The following FARS2 variants were observed in gnomAD, a reference collection of about 807,000 sequenced individuals.
FARS2 encodes phenylalanine--tRNA ligase, mitochondrial.
Under a neutral mutation model 46.4 loss-of-function variants are expected in FARS2, and 40 were observed. The observed-to-expected ratio is 0.86, with a 90% CI of 0.67 to 1.12. The LOEUF (loss-of-function observed/expected upper bound fraction) is 1.12. Among genes scored for constraint, FARS2 ranks in the 50% most tolerant of loss-of-function variants. The pLI, the probability that FARS2 is intolerant of heterozygous loss-of-function variation, is 0.00. For missense variants in FARS2, 513 were observed against 567.9 expected (o/e 0.90, Z 0.98); for synonymous variants, 234 against 214.9 (o/e 1.09, Z -0.78).
chr6:5,541,715 G>A (rs1360517550), intron 4 of FARS2, among the ~76,000 whole-genome samples: 1 of 152,016 alleles, frequency 6.6e-6, no homozygotes, highest in Non-Finnish European at 1.5e-5. Flanking sequence ...AAGAATTCCG[G>A]GCAAGTCCGC....
At chr6:5,276,330 T>C (rs982639143) in intron 1 of FARS2, among the ~76,000 whole-genome samples, 2 of 152,204 alleles carry the variant, frequency 1.3e-5, no homozygotes, top group Non-Finnish European at 2.9e-5. Context: ...AGCTGTATCA[T>C]AGGTTTTTTC....
chr6:5,463,096 C>T (rs1440671171), intron 4 of FARS2, among the ~76,000 whole-genome samples: 4 of 152,188 alleles, frequency 2.6e-5, no homozygotes, highest in Admixed American at 2.6e-4. Flanking sequence ...AAGCTGGAGG[C>T]CGGACCCTGG....
intron 1 of FARS2, among the ~76,000 whole-genome samples, chr6:5,358,863 T>C (rs909389320): frequency 4.6e-5 from 7 of 152,110 alleles, no homozygotes; most frequent in African/African-American, 1.7e-4. Flanking sequence ...AGTTATATTT[T>C]TCTATTTGTT....
intron 2 of FARS2, among the ~76,000 whole-genome samples, chr6:5,391,532 T>C (rs1760515739): frequency 6.6e-6 from 1 of 152,060 alleles, no homozygotes; most frequent in Non-Finnish European, 1.5e-5. Flanking sequence ...CATTAATTTG[T>C]AAGGCAGATT....
chr6:5,255,487 G>T, the FARS2 span, among the ~76,000 whole-genome samples: 1 of 141,242 alleles, frequency 7.1e-6, no homozygotes, highest in Non-Finnish European at 1.5e-5. Flanking sequence ...TTTAAAATAG[G>T]TGTTTTTAAA....
chr6:5,598,770 G>T (rs559868891), intron 5 of FARS2, among the ~76,000 whole-genome samples: 4 of 152,298 alleles, frequency 2.6e-5, no homozygotes, highest in Admixed American at 2.6e-4. Flanking sequence ...GGACATGGGG[G>T]TAGGGGTAGG....
intron 1 of FARS2, among the ~76,000 whole-genome samples, chr6:5,321,568 G>A (rs1019157804): frequency 6.6e-6 from 1 of 151,398 alleles, no homozygotes; most frequent in Non-Finnish European, 1.5e-5. Flanking sequence ...AGAGGTAAGA[G>A]TGTTCAGACA....
At position 5,682,947 on chromosome 6, in the gene FARS2, A is replaced by G. The variant is rs146849136; in HGVS notation, c.1217+69627A>G. Among the ~76,000 whole-genome samples the G allele has an allele frequency of 3.9e-5, 6 of 152,362 alleles. No homozygotes were observed. In the East Asian group the frequency reaches 1.2e-3, roughly 29 times the overall value. On this transcript the variant is annotated intron_variant, in intron 6 of 6. Coordinates refer to ENST00000274680, the MANE Select transcript of FARS2 (RefSeq NM_006567.5). ...AAGGGACCATGGAAAGGCTGGGGAC[A>G]TAGCGGGAACAGCACGTGCAAAGGC...
intron 1 of FARS2, among the ~76,000 whole-genome samples, chr6:5,354,869 A>G (rs809963): frequency 0.7 from 105,973 of 151,814 alleles, 37,589 homozygotes; most frequent in East Asian, 0.81. Flanking sequence ...AGGGTTATTA[A>G]GGTACAGACT....
At chr6:5,345,014 AC>A (rs1561972977) in intron 1 of FARS2, among the ~76,000 whole-genome samples, 2 of 151,608 alleles carry the variant, frequency 1.3e-5, no homozygotes, top group African/African-American at 4.8e-5. Context: ...GTGGTCTCGA[AC>A]TCCTGACCTC....
intron 1 of FARS2, among the ~76,000 whole-genome samples, chr6:5,284,830 C>T (rs911652484): frequency 6.6e-6 from 1 of 152,190 alleles, no homozygotes; most frequent in African/African-American, 2.4e-5. Flanking sequence ...GTCTTCTCCC[C>T]AGAGCCTCCC....
At chr6:5,713,908 T>A (rs565302467) in intron 6 of FARS2, among the ~76,000 whole-genome samples, 1 of 152,222 alleles carries the variant, frequency 6.6e-6, no homozygotes, top group Non-Finnish European at 1.5e-5. Flanking sequence ...TGAAATTTAG[T>A]CCATATGTTT....
chr6:5,397,596 TAA>T (rs2127705429), intron 2 of FARS2, among the ~76,000 whole-genome samples: 2 of 152,300 alleles, frequency 1.3e-5, no homozygotes, highest in Non-Finnish European at 2.9e-5. Context: ...GCTGTGAACC[TAA>T]AACGATGCTT....
intron 6 of FARS2, among the ~76,000 whole-genome samples, chr6:5,622,914 C>G (rs1775846690): frequency 6.6e-6 from 1 of 152,160 alleles, no homozygotes; most frequent in Non-Finnish European, 1.5e-5. Context: ...GGATGGTTAA[C>G]TAGTGCTTCT....
intron 6 of FARS2, among the ~76,000 whole-genome samples, chr6:5,707,112 G>A (rs1758808971): frequency 6.6e-6 from 1 of 152,168 alleles, no homozygotes; most frequent in Admixed American, 6.5e-5. Context: ...TTAGAGACCT[G>A]TTGGATATCA....
intron 1 of FARS2, among the ~76,000 whole-genome samples, chr6:5,268,811 G>A (rs1196302761): frequency 2.6e-5 from 4 of 152,066 alleles, no homozygotes; most frequent in Admixed American, 6.5e-5. Context: ...CCATTTTCAC[G>A]ATATTGATTC....
intron 5 of FARS2, among the ~76,000 whole-genome samples, chr6:5,604,707 TAAC>T (rs558503948): frequency 3.3e-5 from 5 of 152,224 alleles, no homozygotes; most frequent in Non-Finnish European, 7.3e-5. Flanking sequence ...TATATATTCT[TAAC>T]AATATCGAGG....
rs114622506 is a variant in FARS2, at chr6:5,372,052, A to C, written c.612+2870A>C. On this transcript the variant is annotated intron_variant, in intron 2 of 6. Transcript: ENST00000274680. The stretch of plus-strand genomic sequence containing the variant: ...TTATGTAAAATAGAATTTATGAAAA[A>C]AGTGACAAGCAGTAACAAAGAGGGG... 4.2e-3 allele frequency among the ~76,000 whole-genome samples: 633 copies of C among 152,252 alleles called. 3 individuals carry two copies. The highest frequency in any genetic ancestry group is 0.014 in the Middle Eastern group (4 of 294).
intron 5 of FARS2, among the ~76,000 whole-genome samples, chr6:5,590,506 G>A (rs1257840764): frequency 6.6e-6 from 1 of 152,312 alleles, no homozygotes; most frequent in Admixed American, 6.5e-5. Flanking sequence ...TGAGGGACAG[G>A]CTGGGAATGT....
Sources: gnomAD v4.1 joint callset for allele counts (sites outside exome capture counted in the v4.1 genomes callset) on GRCh38, gnomAD v4.1.1 for gene constraint, MANE v1.5 for transcripts, NCBI Gene and HGNC (gene_info 2026-07-23, HGNC 2026-07-21) for gene names.